MAP2K4: variants seen among roughly 807,000 people sequenced by gnomAD.
MAP2K4 encodes the protein dual specificity mitogen-activated protein kinase kinase 4.
A neutral mutation model predicts 48.5 loss-of-function variants in MAP2K4; 4 were observed. The observed-to-expected ratio is 0.08, with a 90% CI of 0.04 to 0.19. The LOEUF (loss-of-function observed/expected upper bound fraction) is 0.19. Among genes scored for constraint, MAP2K4 ranks in the 10% least tolerant of loss-of-function variants. The pLI is 1.00. For synonymous variants in MAP2K4, 166 were observed against 173.1 expected, an observed-to-expected ratio of 0.96 and a Z score of 0.32; for missense variants, 258 against 493.3, an observed-to-expected ratio of 0.52 and a Z score of 4.52.
chr17:12,030,135 C>T (rs1296767799), intron 1 of MAP2K4, among the ~76,000 whole-genome samples: 1 of 152,048 alleles, frequency 6.6e-6, no homozygotes, highest in African/African-American at 2.4e-5. Flanking sequence ...TGGTACTTTC[C>T]CAAATCTGCA....
intron 1 of MAP2K4, among the ~76,000 whole-genome samples, chr17:12,024,506 A>G (rs1393259217): frequency 6.6e-6 from 1 of 152,054 alleles, no homozygotes; most frequent in African/African-American, 2.4e-5. Context: ...TTATACGTTG[A>G]GTAGTTCTTA....
chr17:12,075,635 T>C (rs1050979530), intron 2 of MAP2K4, among the ~76,000 whole-genome samples: 7 of 152,154 alleles, frequency 4.6e-5, no homozygotes, highest in Non-Finnish European at 1.5e-5. Flanking sequence ...AGCTTAAGAA[T>C]GTTCAACTCT....
chr17:12,126,205 A>T (rs1312971314), intron 8 of MAP2K4, among the ~76,000 whole-genome samples: 1 of 152,102 alleles, frequency 6.6e-6, no homozygotes, highest in Non-Finnish European at 1.5e-5. Context: ...TCAGACAAGA[A>T]CTACCTAGGT....
At chr17:12,124,547 G>A (rs945079260) in intron 7 of MAP2K4, 1 of 152,110 alleles carries the variant, frequency 6.6e-6, no homozygotes, top group Non-Finnish European at 1.5e-5. Flanking sequence ...TTGCTTTTGT[G>A]TCTCAAATAT....
chr17:12,080,607 C>T (rs1398916315), intron 2 of MAP2K4, among the ~76,000 whole-genome samples: 1 of 151,924 alleles, frequency 6.6e-6, no homozygotes, highest in East Asian at 1.9e-4. Context: ...CTTTATCGAA[C>T]GAGGGCTGAA....
intron 9 of MAP2K4, among the ~76,000 whole-genome samples, chr17:12,137,776 A>G (rs1973251539): frequency 6.6e-6 from 1 of 152,118 alleles, no homozygotes; most frequent in Non-Finnish European, 1.5e-5. Context: ...ATCATGTAGG[A>G]TAAACAAAGG....
At chr17:12,040,230 A>T (rs574141444) in intron 1 of MAP2K4, among the ~76,000 whole-genome samples, 1 of 152,264 alleles carries the variant, frequency 6.6e-6, no homozygotes, top group African/African-American at 2.4e-5. Context: ...TCATTTTCAG[A>T]CATATGTGGG....
At chr17:12,073,225 T>C (rs1415784808) in intron 2 of MAP2K4, among the ~76,000 whole-genome samples, 1 of 152,176 alleles carries the variant, frequency 6.6e-6, no homozygotes, top group Non-Finnish European at 1.5e-5. Context: ...TTTCTTCTCC[T>C]GCCCACACTG....
chr17:12,106,192 G>C (rs1972105039), intron 4 of MAP2K4, among the ~76,000 whole-genome samples: 1 of 152,040 alleles, frequency 6.6e-6, no homozygotes, highest in African/African-American at 2.4e-5. Context: ...TAAATGTGCT[G>C]TATGTCTCTA....
At chr17:12,141,070 T>A (rs1973363923) in intron 10 of MAP2K4, 77 bp from the exon 11 acceptor site, 1 of 861,802 alleles carries the variant, frequency 1.2e-6, no homozygotes, top group African/African-American at 1.7e-5. Context: ...GAGTTCTATG[T>A]TCTATAGAAA....
In MAP2K4 at chr17:12,123,110, G is replaced by A. The variant is rs192922147; in HGVS notation, c.814-2184G>A. Among the ~76,000 whole-genome samples the A allele has an allele frequency of 2.7e-4, 41 of 152,094 alleles. No homozygotes were observed. In the East Asian group the frequency reaches 4.2e-3, roughly 16 times the overall value. ...TGACTTTGTCAGGTTTTCAAAAATCGTTATGCTGGCCTCATGAAATGAGTT... is the reference window on the plus strand; with the variant it reads ...TGACTTTGTCAGGTTTTCAAAAATCATTATGCTGGCCTCATGAAATGAGTT... On this transcript the variant is annotated intron_variant, in intron 7 of 10. Transcript: ENST00000353533.
At chr17:12,061,957 AT>A (rs1484792010) in intron 2 of MAP2K4, among the ~76,000 whole-genome samples, 1 of 151,872 alleles carries the variant, frequency 6.6e-6, no homozygotes, top group East Asian at 1.9e-4. Context: ...TCTTGAGCAA[AT>A]TTGTTTTCCC....
chr17:12,102,788 A>T (rs1193639368), intron 4 of MAP2K4, among the ~76,000 whole-genome samples: 1 of 151,970 alleles, frequency 6.6e-6, no homozygotes, highest in African/African-American at 2.4e-5. Context: ...CTTTCATCTA[A>T]ATTATCAAAT....
At chr17:12,086,273 G>T (rs575222721) in intron 3 of MAP2K4, among the ~76,000 whole-genome samples, 3 of 152,130 alleles carry the variant, frequency 2.0e-5, no homozygotes, top group Non-Finnish European at 4.4e-5. Flanking sequence ...TGATTGAGCT[G>T]TATTCTTTTA....
chr17:12,102,363 T>C (rs1971962972), intron 4 of MAP2K4, among the ~76,000 whole-genome samples: 2 of 152,150 alleles, frequency 1.3e-5, no homozygotes, highest in Admixed American at 1.3e-4. Context: ...AGAAATCCAG[T>C]TGGTTAGGAT....
chr17:12,066,634 A>C (rs1292575256), intron 2 of MAP2K4, among the ~76,000 whole-genome samples: 1 of 151,916 alleles, frequency 6.6e-6, no homozygotes, highest in Non-Finnish European at 1.5e-5. Flanking sequence ...GGTTCAAGTG[A>C]TTCTTGTGCC....
intron 4 of MAP2K4, among the ~76,000 whole-genome samples, chr17:12,102,114 C>T (rs1027259572): frequency 2.6e-5 from 4 of 151,934 alleles, no homozygotes; most frequent in Admixed American, 2.6e-4. Context: ...ATGTTTCCTT[C>T]ATTAAATATG....
intron 2 of MAP2K4, among the ~76,000 whole-genome samples, chr17:12,075,097 A>G (rs1470393688): frequency 1.3e-5 from 2 of 152,242 alleles, no homozygotes; most frequent in Admixed American, 1.3e-4. Context: ...GAGAAAGAGC[A>G]TCTCCAAACA....
At chr17:12,050,606 C>G (rs1281703146) in intron 1 of MAP2K4, among the ~76,000 whole-genome samples, 1 of 150,124 alleles carries the variant, frequency 6.7e-6, no homozygotes, top group African/African-American at 2.5e-5. Flanking sequence ...AGTGGACTCT[C>G]AACTGCCCGT....
Sources: gnomAD v4.1 joint callset for allele counts (sites outside exome capture counted in the v4.1 genomes callset) on GRCh38, gnomAD v4.1.1 for gene constraint, MANE v1.5 for transcripts, NCBI Gene and HGNC (gene_info 2026-07-23, HGNC 2026-07-21) for gene names.